LCMT1: variants seen among roughly 807,000 people sequenced by gnomAD.
LCMT1 encodes the protein leucine carboxyl methyltransferase 1.
Under a neutral mutation model 47.7 loss-of-function variants are expected in LCMT1, and 32 were observed. The observed-to-expected ratio is 0.67, with a 90% CI of 0.51 to 0.90. The LOEUF is 0.90. LCMT1 is among the 40% of genes least tolerant of loss of function. The pLI, the probability that LCMT1 is intolerant of heterozygous loss-of-function variation, is 0.00. For missense variants in LCMT1, 375 were observed against 415.2 expected, an observed-to-expected ratio of 0.90 and a Z score of 0.84; for synonymous variants, 152 against 149.7, an observed-to-expected ratio of 1.02 and a Z score of -0.11.
At chr16:25,125,151 G>A (rs1960123588) in intron 1 of LCMT1, among the ~76,000 whole-genome samples, 1 of 152,214 alleles carries the variant, frequency 6.6e-6, no homozygotes, top group Non-Finnish European at 1.5e-5. Flanking sequence ...AATGGAAATT[G>A]ACAGGCAGAA....
intron 3 of LCMT1, among the ~76,000 whole-genome samples, chr16:25,133,086 C>T (rs1960400562): frequency 6.6e-6 from 1 of 152,038 alleles, no homozygotes; most frequent in African/African-American, 2.4e-5. Context: ...GTCCTGAACT[C>T]CTGGCCTCAA....
At chr16:25,141,013 T>C (rs756124796) in intron 4 of LCMT1, 1 of 152,084 alleles carries the variant, frequency 6.6e-6, no homozygotes, top group Non-Finnish European at 1.5e-5. Context: ...TGAACAGGGA[T>C]GTCGTCCCTG....
At chr16:25,176,531 G>T (rs1342217696) in intron 10 of LCMT1, among the ~76,000 whole-genome samples, 5 of 127,504 alleles carry the variant, frequency 3.9e-5, no homozygotes, top group African/African-American at 5.8e-5. Flanking sequence ...GTTTGGTTTT[G>T]GTTTTTGTTT....
At chr16:25,173,716 T>C (rs1158344137) in intron 9 of LCMT1, among the ~76,000 whole-genome samples, 1 of 89,944 alleles carries the variant, frequency 1.1e-5, no homozygotes, top group Non-Finnish European at 2.4e-5. Flanking sequence ...TTTTTTTTTG[T>C]TTTTTTTTGA....
chr16:25,115,941 G>A (rs990137262), intron 1 of LCMT1, among the ~76,000 whole-genome samples: 1 of 152,198 alleles, frequency 6.6e-6, no homozygotes, highest in Non-Finnish European at 1.5e-5. Context: ...GCCCCTCAAA[G>A]TGCTGGGATT....
intron 5 of LCMT1, among the ~76,000 whole-genome samples, chr16:25,157,347 C>T (rs554652460): frequency 3.9e-5 from 6 of 152,094 alleles, no homozygotes; most frequent in Non-Finnish European, 7.4e-5. Context: ...AGTTCAAGAC[C>T]AGCCTGGGCA....
chr16:25,171,208 C>G (rs971038758), intron 9 of LCMT1, among the ~76,000 whole-genome samples: 3 of 151,792 alleles, frequency 2.0e-5, no homozygotes, highest in Non-Finnish European at 4.4e-5. Context: ...CCGCTTCACT[C>G]CAGCCTGGGC....
Position 25,169,138 on chromosome 16 carries a change from G to A in LCMT1, c.717G>A (p.Gln239=). 2 of 1,613,474 alleles carry A rather than the reference G, an allele frequency of 1.2e-6. No individual in the cohort carries two copies. Among genetic ancestry groups the A allele is most frequent in the Non-Finnish European group, 1.7e-6 (2 of 1,179,698 alleles). Residue 239 remains glutamine (Q), a synonymous_variant, in exon 8 of 11, where the codon CAG becomes CAA. Coordinates refer to ENST00000399069, the MANE Select transcript of LCMT1 (RefSeq NM_016309.3). The stretch of plus-strand genomic sequence containing the variant: ...TGAACATGGGTGATCGGTTTGGGCA[G>A]ATCATGATTGAAAACCTGCGGAGAC... ...EQVNMGDRFG[Q]IMIENLRRRQ...
chr16:25,120,372 C>T (rs1208608651), intron 1 of LCMT1, among the ~76,000 whole-genome samples: 1 of 149,562 alleles, frequency 6.7e-6, no homozygotes, highest in Non-Finnish European at 1.5e-5. Flanking sequence ...TACAGGCATG[C>T]GCCACCACGC....
chr16:25,119,837 A>C (rs538296193), intron 1 of LCMT1, among the ~76,000 whole-genome samples: 40 of 152,066 alleles, frequency 2.6e-4, no homozygotes, highest in Non-Finnish European at 4.4e-4. Context: ...CAGAGCTAGA[A>C]CATTCTGTTA....
intron 10 of LCMT1, among the ~76,000 whole-genome samples, chr16:25,176,150 G>A (rs1478022771): frequency 6.6e-6 from 1 of 152,146 alleles, no homozygotes; most frequent in Non-Finnish European, 1.5e-5. Context: ...GAGAACAGGC[G>A]TGGATCTATC....
At chr16:25,163,900 G>A (rs1961510242) in intron 6 of LCMT1, among the ~76,000 whole-genome samples, 1 of 152,098 alleles carries the variant, frequency 6.6e-6, no homozygotes, top group African/African-American at 2.4e-5. Context: ...TCTGCAGTTT[G>A]GGTTGGCCTT....
At chr16:25,154,375 T>C (rs914526396) in intron 5 of LCMT1, among the ~76,000 whole-genome samples, 17 of 152,242 alleles carry the variant, frequency 1.1e-4, no homozygotes, top group African/African-American at 4.1e-4. Flanking sequence ...CATCTTTCCT[T>C]CGTTTTATTG....
At chr16:25,136,335 G>C (rs1000716408) in intron 3 of LCMT1, among the ~76,000 whole-genome samples, 1 of 151,802 alleles carries the variant, frequency 6.6e-6, no homozygotes, top group African/African-American at 2.4e-5. Context: ...TCCCAGTCTC[G>C]GTGTCTTCCA....
chr16:25,124,247 A>G (rs914018481), intron 1 of LCMT1, among the ~76,000 whole-genome samples: 4 of 152,186 alleles, frequency 2.6e-5, no homozygotes, highest in African/African-American at 9.7e-5. Flanking sequence ...TGTTTTTCAG[A>G]ATGTATCCTC....
chr16:25,136,830 C>T lies in LCMT1; in HGVS notation c.328-3341C>T, dbSNP rs76603757. The stretch of plus-strand genomic sequence containing the variant: ...CAGGGATTACAGATGTGAGCCACCG[C>T]GCCCCACAGGATGTCTTTCTTAAGC... On this transcript the variant is annotated intron_variant, in intron 3 of 10. Transcript: ENST00000399069. Among the ~76,000 whole-genome samples the T allele has an allele frequency of 1.7e-3, 263 of 152,178 alleles. 1 individual carries two copies. The highest frequency in any genetic ancestry group is 5.8e-3 in the African/African-American group (241 of 41,534).
chr16:25,130,853 A>C (rs1373053234), intron 2 of LCMT1, among the ~76,000 whole-genome samples: 1 of 152,220 alleles, frequency 6.6e-6, no homozygotes, highest in Non-Finnish European at 1.5e-5. Context: ...TGCCATGTGC[A>C]ACATTTGATT....
chr16:25,121,938 C>T (rs918243449), intron 1 of LCMT1, among the ~76,000 whole-genome samples: 16 of 152,190 alleles, frequency 1.1e-4, no homozygotes, highest in African/African-American at 3.1e-4. Context: ...AATGGCTGCA[C>T]AGTGTTCTGC....
intron 10 of LCMT1, among the ~76,000 whole-genome samples, chr16:25,176,811 C>G (rs572043062): frequency 8.2e-4 from 123 of 150,010 alleles, no homozygotes; most frequent in African/African-American, 2.7e-3. Context: ...ATCTGCCTGG[C>G]TCGGCCCCCC....
Sources: allele counts gnomAD v4.1 joint callset (sites outside exome capture counted in the v4.1 genomes callset), GRCh38; gene constraint gnomAD v4.1.1; transcripts MANE v1.5; gene names NCBI Gene and HGNC (gene_info 2026-07-23, HGNC 2026-07-21).